Variants in ITIH5 observed in about 807,000 individuals in gnomAD.
ITIH5 encodes the protein inter-alpha-trypsin inhibitor heavy chain 5, also known as inter-alpha-trypsin inhibitor heavy chain H5.
A neutral mutation model predicts 77.5 loss-of-function variants in ITIH5; 65 were observed. That is an observed-to-expected ratio of 0.84 (90% CI 0.69 to 1.03). The LOEUF is 1.03. Among genes scored for constraint, ITIH5 ranks in the 50% least tolerant of loss-of-function variants. ITIH5 has a pLI of 0.00. For synonymous variants in ITIH5, 525 were observed against 494.3 expected (o/e 1.06, Z -0.82); for missense variants, 1,208 against 1,213.1 (o/e 1.00, Z 0.06).
In ITIH5 at chr10:7,559,927, C is replaced by G. The variant is rs1832010386; in HGVS notation, c.*3156G>C. ...AGTGCAGTGGCGTGATCTTGGCTCA[C>G]TACAAGTTCCGACTGCCTGGTTCAA... On this transcript the variant is annotated 3_prime_UTR_variant, in exon 14 of 14. Transcript: ENST00000397146. 1 of 442,616 alleles carries G rather than the reference C, an allele frequency of 2.3e-6. No homozygotes were observed. The highest frequency in any genetic ancestry group is 2.4e-5 in the Admixed American group (1 of 41,072). 27.4% of individuals were successfully genotyped at this position (442,616 alleles called of 1,614,324 possible).
intron 1 of ITIH5, among the ~76,000 whole-genome samples, chr10:7,664,706 G>A (rs1834334567): frequency 6.6e-6 from 1 of 152,200 alleles, no homozygotes; most frequent in African/African-American, 2.4e-5. Flanking sequence ...TAACTGCAAT[G>A]CAAGTTAATA....
intron 2 of ITIH5, among the ~76,000 whole-genome samples, chr10:7,654,481 G>A (rs1834148890): frequency 6.6e-6 from 1 of 152,178 alleles, no homozygotes; most frequent in Non-Finnish European, 1.5e-5. Context: ...TTGGCTTAAT[G>A]TGCAGAATAA....
chr10:7,624,636 G>A (rs902307267), intron 5 of ITIH5, among the ~76,000 whole-genome samples: 2 of 150,248 alleles, frequency 1.3e-5, no homozygotes, highest in African/African-American at 2.5e-5. Context: ...TAGCTAACAT[G>A]GTGAAACCCT....
chr10:7,627,370 G>A (rs910469654), intron 5 of ITIH5, among the ~76,000 whole-genome samples: 4 of 150,252 alleles, frequency 2.7e-5, no homozygotes, highest in Admixed American at 1.3e-4. Context: ...TTCAATTCAA[G>A]CCCTTCTTGG....
At chr10:7,612,272 C>T (rs1223933893) in intron 7 of ITIH5, among the ~76,000 whole-genome samples, 3 of 152,150 alleles carry the variant, frequency 2.0e-5, no homozygotes, top group African/African-American at 7.2e-5. Context: ...CATATGGTTA[C>T]TATTAGCCAT....
chr10:7,622,682 A>G (rs1022084646), intron 5 of ITIH5, among the ~76,000 whole-genome samples: 2 of 152,240 alleles, frequency 1.3e-5, no homozygotes, highest in Admixed American at 1.3e-4. Flanking sequence ...CACATTATAC[A>G]TATGTCAATA....
In ITIH5 at chr10:7,605,679, G is replaced by A. The variant is rs112128077; in HGVS notation, c.939+10303C>T. On this transcript the variant is annotated intron_variant, in intron 7 of 13. Transcript: ENST00000397146. ...GGCTGTGCTATCAGGCAATGCCAGC[G>A]CTTAGGAATTTTACCCAGTTGCAAT... Among the ~76,000 whole-genome samples the A allele has an allele frequency of 4.7e-3, 708 of 152,218 alleles. 8 individuals carry two copies. The highest frequency in any genetic ancestry group is 0.016 in the African/African-American group (649 of 41,534).
intron 4 of ITIH5, 74 bp downstream of exon 4, chr10:7,640,680 G>A: frequency 1.2e-6 from 1 of 855,872 alleles, no homozygotes; most frequent in South Asian, 1.4e-5. Flanking sequence ...ACGACAAGAG[G>A]AGTAGGCAAA....
chr10:7,616,200 A>G, intron 6 of ITIH5, 102 bp from the exon 7 acceptor site: 1 of 723,046 alleles, frequency 1.4e-6, no homozygotes, highest in South Asian at 1.6e-5. Context: ...AAAGCATGAC[A>G]AAGAGTTTAG....
rs35892621 is a variant in ITIH5, at chr10:7,576,945, C to A, written c.1486G>T (p.Val496Leu). The A allele has an allele frequency of 1.7e-5, 27 of 1,614,044 alleles. No homozygotes were observed. The highest frequency in any genetic ancestry group is 2.1e-5 in the Non-Finnish European group (25 of 1,180,048). Residue 496 changes from valine (V) to leucine (L), a missense_variant, in exon 10 of 14, where the codon GTG becomes TTG. Coordinates refer to ENST00000397146, the MANE Select transcript of ITIH5 (RefSeq NM_030569.7). ...GGGAACAGGGTCTTGGTGGCCTGCACCACTGAGCTGGGGGGATAATCGATG... is the reference window on the plus strand; with the variant it reads ...GGGAACAGGGTCTTGGTGGCCTGCAACACTGAGCTGGGGGGATAATCGATG... ...IRIDYPPSSVVQATKTLFPNY... is the reference protein window; with the variant it reads ...IRIDYPPSSVLQATKTLFPNY...
At chr10:7,631,560 C>T (rs556214993) in intron 5 of ITIH5, among the ~76,000 whole-genome samples, 6 of 152,254 alleles carry the variant, frequency 3.9e-5, no homozygotes, top group South Asian at 4.1e-4. Flanking sequence ...AAGACTGCAC[C>T]GGCCCACTGA....
intron 1 of ITIH5, among the ~76,000 whole-genome samples, chr10:7,666,255 C>A (rs970591612): frequency 6.6e-6 from 1 of 152,048 alleles, no homozygotes; most frequent in African/African-American, 2.4e-5. Context: ...AACGCACAGA[C>A]CAGCAACTCG....
chr10:7,616,192 A>C, intron 6 of ITIH5, 94 bp from the exon 7 acceptor site: 1 of 740,304 alleles, frequency 1.4e-6, no homozygotes, highest in Non-Finnish European at 2.4e-6. Context: ...TAAAAGTTAA[A>C]GCATGACAAA....
chr10:7,642,980 G>A (rs1469454585), intron 2 of ITIH5, among the ~76,000 whole-genome samples: 1 of 152,234 alleles, frequency 6.6e-6, no homozygotes, highest in East Asian at 1.9e-4. Flanking sequence ...GAGGTGGTGG[G>A]GTTGCGGGGA....
At chr10:7,579,684 C>T in intron 9 of ITIH5, 71 bp downstream of exon 9, 1 of 1,491,244 alleles carries the variant, frequency 6.7e-7, no homozygotes, top group South Asian at 1.2e-5. Flanking sequence ...ACACTCCTCT[C>T]TGAATTCCCA....
Position 7,566,311 on chromosome 10 carries a change from T to C in ITIH5, c.2246A>G (p.Asn749Ser), listed in dbSNP as rs1832156307. The change falls in exon 13 of 14, where the codon AAC (asparagine) becomes AGC (serine). Residue 749 changes from asparagine (N) to serine (S), a missense_variant. Coordinates refer to ENST00000397146, the MANE Select transcript of ITIH5 (RefSeq NM_030569.7). ...CTCGAGATAAGATCTCTCTGGCTTGTTGATGAGGATGGTGATAGTGCGCAA... is the reference window on the plus strand; with the variant it reads ...CTCGAGATAAGATCTCTCTGGCTTGCTGATGAGGATGGTGATAGTGCGCAA... ...TYLRTITILI[N>S]KPERSYLEIT... is the part of the protein sequence containing the mutation. 6.2e-7 allele frequency: 1 copy of C among 1,613,628 alleles called. No individual in the cohort carries two copies. The highest frequency in any genetic ancestry group is 1.1e-5 in the South Asian group (1 of 91,012).
chr10:7,665,811 G>C (rs1212279270), intron 1 of ITIH5, among the ~76,000 whole-genome samples: 1 of 152,142 alleles, frequency 6.6e-6, no homozygotes, highest in Non-Finnish European at 1.5e-5. Context: ...ACATCACTAC[G>C]ATGCCTCCTG....
At chr10:7,656,729 A>C (rs1834189351) in intron 1 of ITIH5, among the ~76,000 whole-genome samples, 1 of 147,498 alleles carries the variant, frequency 6.8e-6, no homozygotes, top group Admixed American at 7.0e-5. Flanking sequence ...ATATGCCTAG[A>C]CTTCATGTCT....
chr10:7,624,522 A>T (rs1198045003), intron 5 of ITIH5, among the ~76,000 whole-genome samples: 1 of 146,774 alleles, frequency 6.8e-6, no homozygotes, highest in Non-Finnish European at 1.5e-5. Context: ...CAAACAAACA[A>T]ACATGCATTA....
Sources: allele counts gnomAD v4.1 joint callset (sites outside exome capture counted in the v4.1 genomes callset), GRCh38; gene constraint gnomAD v4.1.1; transcripts MANE v1.5; gene names NCBI Gene and HGNC (gene_info 2026-07-23, HGNC 2026-07-21).